FSTL5: variants seen among roughly 807,000 people sequenced by gnomAD.
FSTL5 encodes follistatin-related protein 5.
A neutral mutation model predicts 89.1 loss-of-function variants in FSTL5; 62 were observed. The ratio of observed to expected loss-of-function variants is 0.70; its 90% CI spans 0.57 to 0.86. The LOEUF (loss-of-function observed/expected upper bound fraction) is 0.86, where lower values mean the gene tolerates loss of function less well. FSTL5 is among the 40% of genes least tolerant of loss of function. The probability of loss-of-function intolerance (pLI) is 0.00; values close to 1 mark genes in which losing one functional copy is unlikely to be tolerated. For missense variants in FSTL5, 1,057 were observed against 1,001.6 expected (o/e 1.06, Z -0.75); for synonymous variants, 383 against 346.2 (o/e 1.11, Z -1.18).
At chr4:161,895,789 T>C (rs1458524963) in intron 4 of FSTL5, among the ~76,000 whole-genome samples, 1 of 152,178 alleles carries the variant, frequency 6.6e-6, no homozygotes, top group East Asian at 1.9e-4. Flanking sequence ...CAACGTATTT[T>C]TGCATGTGTT....
At position 162,081,460 on chromosome 4, in the gene FSTL5, C is replaced by T. The variant is rs554859422; in HGVS notation, c.126+29811G>A. Among the ~76,000 whole-genome samples, 12 of 151,504 alleles carry T rather than the reference C, an allele frequency of 7.9e-5. No individual in the cohort carries two copies. The South Asian group carries it at 2.3e-3, about 29-fold the overall frequency. On this transcript the variant is annotated intron_variant, in intron 2 of 15. Coordinates refer to ENST00000306100, the MANE Select transcript of FSTL5 (RefSeq NM_020116.5). ...AAGTGATTCTGTTAGTGAGCAAAGCCCTGATAAATTAAACAATATATATAT... is the reference window on the plus strand; with the variant it reads ...AAGTGATTCTGTTAGTGAGCAAAGCTCTGATAAATTAAACAATATATATAT...
chr4:161,654,517 T>C (rs1736450334), intron 7 of FSTL5, among the ~76,000 whole-genome samples: 1 of 152,126 alleles, frequency 6.6e-6, no homozygotes, highest in South Asian at 2.1e-4. Flanking sequence ...AGCATTATTC[T>C]CCAGATAGTC....
At chr4:162,054,635 T>A (rs949169401) in intron 2 of FSTL5, among the ~76,000 whole-genome samples, 18 of 151,928 alleles carry the variant, frequency 1.2e-4, no homozygotes, top group Non-Finnish European at 2.5e-4. Flanking sequence ...CCCATCACTC[T>A]CTTTTCTTAG....
chr4:161,732,804 G>A (rs538040460), intron 6 of FSTL5, among the ~76,000 whole-genome samples: 26 of 151,498 alleles, frequency 1.7e-4, no homozygotes, highest in African/African-American at 5.1e-4. Flanking sequence ...ATCAACTGAC[G>A]TTATCTGCTT....
At chr4:161,400,861 A>T (rs1291527825) in intron 15 of FSTL5, among the ~76,000 whole-genome samples, 1 of 152,092 alleles carries the variant, frequency 6.6e-6, no homozygotes, top group Non-Finnish European at 1.5e-5. Flanking sequence ...ACATTATGTT[A>T]TTATGTTATC....
At chr4:161,977,532 G>A (rs1307480749) in intron 3 of FSTL5, among the ~76,000 whole-genome samples, 1 of 149,052 alleles carries the variant, frequency 6.7e-6, no homozygotes, top group Non-Finnish European at 1.5e-5. Context: ...AGAATGGCGT[G>A]TACATGGAAG....
At chr4:161,660,907 C>T (rs1043446179) in intron 6 of FSTL5, among the ~76,000 whole-genome samples, 3 of 151,960 alleles carry the variant, frequency 2.0e-5, no homozygotes, top group African/African-American at 4.8e-5. Context: ...CATGTCTTTG[C>T]TATTATGAAT....
At chr4:161,506,331 C>A (rs1204404586) in intron 11 of FSTL5, among the ~76,000 whole-genome samples, 1 of 151,938 alleles carries the variant, frequency 6.6e-6, no homozygotes. Context: ...CTTCGGCCCC[C>A]CAAATTGCTA....
intron 1 of FSTL5, among the ~76,000 whole-genome samples, chr4:162,138,200 T>G (rs1276106752): frequency 6.6e-6 from 1 of 152,162 alleles, no homozygotes; most frequent in African/African-American, 2.4e-5. Flanking sequence ...CTAAGTAATA[T>G]GTGAAGTTCA....
intron 7 of FSTL5, among the ~76,000 whole-genome samples, chr4:161,606,240 A>ATTTTTTTT: frequency 1.7e-5 from 2 of 117,866 alleles, no homozygotes; most frequent in Non-Finnish European, 3.4e-5. Flanking sequence ...ATTATCTGTG[A>ATTTTTTTT]TTTTTTTTTT....
At chr4:161,864,208 A>C (rs1296815946) in intron 4 of FSTL5, among the ~76,000 whole-genome samples, 3 of 152,200 alleles carry the variant, frequency 2.0e-5, no homozygotes, top group Non-Finnish European at 4.4e-5. Context: ...TTATGAAGGA[A>C]GTAACGTAAC....
chr4:161,806,925 T>C (rs34218818), intron 4 of FSTL5, among the ~76,000 whole-genome samples: 30,646 of 151,824 alleles, frequency 0.2, 3,148 homozygotes, highest in Middle Eastern at 0.29. Flanking sequence ...GATAGATAGA[T>C]AGATGAAAAC....
intron 7 of FSTL5, among the ~76,000 whole-genome samples, chr4:161,653,852 T>C (rs1253531867): frequency 6.6e-6 from 1 of 152,204 alleles, no homozygotes; most frequent in East Asian, 1.9e-4. Flanking sequence ...CTTTGAAAGA[T>C]ATCTTTGCAC....
rs558666576 is a variant in FSTL5, at chr4:161,631,527, G to C, written c.894+24801C>G. On this transcript the variant is annotated intron_variant, in intron 7 of 15. Coordinates refer to ENST00000306100, the MANE Select transcript of FSTL5 (RefSeq NM_020116.5). ...AGCTACTCAGGAGGGTGAGGCAAGA[G>C]AGTCACTTGAACCCAGGGGGCAGAG... Among the ~76,000 whole-genome samples the C allele has an allele frequency of 2.7e-3, 404 of 152,278 alleles. 5 individuals are homozygous for C. In the South Asian group the frequency reaches 0.029, roughly 11 times the overall value.
intron 3 of FSTL5, among the ~76,000 whole-genome samples, chr4:161,980,483 T>C (rs1023795369): frequency 9.9e-5 from 15 of 152,088 alleles, no homozygotes; most frequent in Non-Finnish European, 1.8e-4. Flanking sequence ...TTTGCTTTTT[T>C]TTTCCTTCCT....
intron 6 of FSTL5, among the ~76,000 whole-genome samples, chr4:161,724,487 G>A (rs1739324552): frequency 6.6e-6 from 1 of 152,082 alleles, no homozygotes; most frequent in Non-Finnish European, 1.5e-5. Flanking sequence ...GTATATGAAG[G>A]AATATATAAT....
chr4:161,611,142 CTA>C (rs1560978133), intron 7 of FSTL5, among the ~76,000 whole-genome samples: 70 of 134,632 alleles, frequency 5.2e-4, no homozygotes, highest in African/African-American at 1.9e-3. Flanking sequence ...ATATATGTAT[CTA>C]TATATATGTG....
intron 6 of FSTL5, among the ~76,000 whole-genome samples, chr4:161,721,384 T>C (rs1043197494): frequency 5.3e-5 from 8 of 149,810 alleles, no homozygotes; most frequent in African/African-American, 1.7e-4. Flanking sequence ...TAAATACAAA[T>C]ATATAAATAA....
chr4:161,663,379 T>C (rs1736782112), intron 6 of FSTL5, among the ~76,000 whole-genome samples: 1 of 152,106 alleles, frequency 6.6e-6, no homozygotes, highest in African/African-American at 2.4e-5. Flanking sequence ...GATGCAGGTA[T>C]TGGGTAAATG....
Sources: allele counts gnomAD v4.1 joint callset (sites outside exome capture counted in the v4.1 genomes callset), GRCh38; gene constraint gnomAD v4.1.1; transcripts MANE v1.5; gene names NCBI Gene and HGNC (gene_info 2026-07-23, HGNC 2026-07-21).